The following ATG4C variants were observed in gnomAD, a reference collection of about 807,000 sequenced individuals.
ATG4C encodes the protein cysteine protease ATG4C.
A neutral mutation model predicts 57.6 loss-of-function variants in ATG4C; 56 were observed. The ratio of observed to expected loss-of-function variants is 0.97; its 90% CI spans 0.78 to 1.21. The LOEUF (loss-of-function observed/expected upper bound fraction) is 1.21, where lower values mean the gene tolerates loss of function less well. Ranked by LOEUF, ATG4C falls within the 50% of genes most tolerant of loss-of-function variation. The pLI is 0.00. For missense variants in ATG4C, 595 were observed against 529.8 expected, an observed-to-expected ratio of 1.12 and a Z score of -1.21; for synonymous variants, 157 against 174.1, an observed-to-expected ratio of 0.90 and a Z score of 0.78.
chr1:62,816,646 G>A lies in ATG4C; in HGVS notation c.232G>A (p.Glu78Lys). The A allele has an allele frequency of 1.9e-6, 3 of 1,613,814 alleles. No individual in the cohort carries two copies. Among genetic ancestry groups the A allele is most frequent in the African/African-American group, 1.3e-5 (1 of 75,026 alleles). Residue 78 changes from glutamate to lysine, a missense_variant, in exon 4 of 11, where the codon GAA becomes AAA. Coordinates refer to ENST00000317868, the MANE Select transcript of ATG4C (RefSeq NM_032852.4). ...TCACGTAATTGCAGGAAATGTAGAA[G>A]AATTTCGTAAAGATTTCATTTCTAG... ...EDHVIAGNVEEFRKDFISRIW... is the reference protein window; with the variant it reads ...EDHVIAGNVEKFRKDFISRIW...
intron 3 of ATG4C, among the ~76,000 whole-genome samples, chr1:62,811,240 C>T (rs1665074461): frequency 6.6e-6 from 1 of 152,212 alleles, no homozygotes; most frequent in African/African-American, 2.4e-5. Flanking sequence ...TTGGTTCTGT[C>T]TCTATTATTT....
intron 3 of ATG4C, among the ~76,000 whole-genome samples, chr1:62,814,794 G>A (rs1326011672): frequency 6.6e-6 from 1 of 152,172 alleles, no homozygotes; most frequent in African/African-American, 2.4e-5. Context: ...CAGGCACGGT[G>A]GCTCTCACGC....
intron 3 of ATG4C, among the ~76,000 whole-genome samples, chr1:62,810,797 G>T (rs991606263): frequency 6.6e-6 from 1 of 150,906 alleles, no homozygotes; most frequent in Non-Finnish European, 1.5e-5. Flanking sequence ...TATTGACCCA[G>T]GCCATTTCAG....
chr1:62,836,929 A>T lies in ATG4C; in HGVS notation c.1089+2077A>T, dbSNP rs530406753. Among the ~76,000 whole-genome samples, 5 of 152,228 alleles carry T rather than the reference A, an allele frequency of 3.3e-5. No individual in the cohort carries two copies. The South Asian group carries it at 1.0e-3, about 32-fold the overall frequency. The stretch of plus-strand genomic sequence containing the variant: ...GAGAATATTTGAGATTAAAGAAGAG[A>T]TTTAAACAGATTGCATTTTTTGTTG... On this transcript the variant is annotated intron_variant, in intron 9 of 10. Transcript: ENST00000317868.
intron 10 of ATG4C, among the ~76,000 whole-genome samples, chr1:62,855,444 A>G (rs911401077): frequency 1.3e-5 from 2 of 152,172 alleles, no homozygotes; most frequent in African/African-American, 4.8e-5. Context: ...TCATTGTTAA[A>G]CTTATTACCT....
intron 3 of ATG4C, among the ~76,000 whole-genome samples, chr1:62,806,036 T>C (rs1268860157): frequency 6.6e-6 from 1 of 152,214 alleles, no homozygotes; most frequent in Non-Finnish European, 1.5e-5. Context: ...TATCATTTAT[T>C]AGCAATTTTC....
At chr1:62,855,117 C>A (rs1470897301) in intron 10 of ATG4C, among the ~76,000 whole-genome samples, 2 of 152,100 alleles carry the variant, frequency 1.3e-5, no homozygotes, top group Non-Finnish European at 2.9e-5. Context: ...TGAGTTCATA[C>A]AAGTTTTTAT....
chr1:62,792,989 C>A (rs1039792379), intron 1 of ATG4C, among the ~76,000 whole-genome samples: 5 of 151,654 alleles, frequency 3.3e-5, no homozygotes, highest in African/African-American at 1.2e-4. Context: ...CGGGTTCACG[C>A]CATTCTCCTG....
chr1:62,816,799 C>G lies in ATG4C; in HGVS notation c.385C>G (p.Leu129Val), dbSNP rs781030672. 5.8e-6 allele frequency: 9 copies of G among 1,547,096 alleles called. No homozygotes were observed. The Admixed American group carries it at 1.8e-4, about 31-fold the overall frequency. ...LLAQGLILHF[L>V]GRAWTWPDAL... ...GGCTCAAGGACTCATACTACACTTT[C>G]TTGGTAGAGGTAAATCAAATTTCTG... The change falls in exon 4 of 11, where the codon CTT becomes GTT. Residue 129 changes from leucine (L) to valine (V), a missense_variant. Coordinates refer to ENST00000317868, the MANE Select transcript of ATG4C (RefSeq NM_032852.4).
At chr1:62,804,013 A>G (rs1664770966) in intron 2 of ATG4C, 151 bp downstream of exon 2, 3 of 531,718 alleles carry the variant, frequency 5.6e-6, no homozygotes, top group African/African-American at 4.0e-5. Context: ...AGTTAAAAAT[A>G]TCTCCTGAAG....
intron 1 of ATG4C, among the ~76,000 whole-genome samples, chr1:62,795,283 G>A (rs1032371624): frequency 1.3e-5 from 2 of 152,166 alleles, no homozygotes; most frequent in Admixed American, 1.3e-4. Flanking sequence ...ACATTGATTT[G>A]AGTACTCTTT....
At chr1:62,852,429 AC>A (rs1225363689) in intron 10 of ATG4C, among the ~76,000 whole-genome samples, 1 of 152,206 alleles carries the variant, frequency 6.6e-6, no homozygotes, top group Non-Finnish European at 1.5e-5. Flanking sequence ...TTATTTGGGA[AC>A]CTGCTGTAAT....
At chr1:62,858,399 G>A (rs1466210058) in intron 10 of ATG4C, among the ~76,000 whole-genome samples, 2 of 152,086 alleles carry the variant, frequency 1.3e-5, no homozygotes, top group African/African-American at 4.8e-5. Flanking sequence ...GACCTTATAC[G>A]AGTCACCTAA....
At chr1:62,844,388 A>G (rs2100348940) in intron 10 of ATG4C, among the ~76,000 whole-genome samples, 1 of 152,336 alleles carries the variant, frequency 6.6e-6, no homozygotes, top group East Asian at 1.9e-4. Context: ...ATTTAGGTTA[A>G]AAATGATGAA....
intron 1 of ATG4C, among the ~76,000 whole-genome samples, chr1:62,801,921 G>A (rs1483042934): frequency 2.6e-5 from 3 of 115,146 alleles, no homozygotes; most frequent in Non-Finnish European, 4.9e-5. Context: ...TTGCGCCACT[G>A]CACTCCAGCT....
intron 3 of ATG4C, 61 bp downstream of exon 3, chr1:62,805,316 ATTATT>A: frequency 7.1e-7 from 1 of 1,417,886 alleles, no homozygotes; most frequent in Non-Finnish European, 9.2e-7. Flanking sequence ...GTAACTTTTT[ATTATT>A]TTATTTCTAG....
In ATG4C at chr1:62,864,062, A is replaced by G; in HGVS notation, c.1280A>G (p.Asp427Gly). 6.2e-7 allele frequency: 1 copy of G among 1,602,494 alleles called. No individual in the cohort carries two copies. Among genetic ancestry groups the G allele is most frequent in the East Asian group, 2.2e-5 (1 of 44,706 alleles). The change falls in exon 11 of 11, where the codon GAT (aspartate) becomes GGT (glycine). Residue 427 changes from aspartate to glycine, a missense_variant. By Grantham distance (94) the Asp-to-Gly change is moderately conservative. Coordinates refer to ENST00000317868, the MANE Select transcript of ATG4C (RefSeq NM_032852.4). ...TFVNGHSRDY[D>G]FTSTTTNEED... ...GTAAATGGTCATTCCAGAGACTATG[A>G]TTTTACATCTACTACAACCAATGAA...
At chr1:62,816,447 A>C (rs1475971958) in intron 3 of ATG4C, 128 bp from the exon 4 acceptor site, 2 of 640,902 alleles carry the variant, frequency 3.1e-6, no homozygotes, top group East Asian at 3.2e-5. Context: ...TTATTTTAAA[A>C]GATAAAATTA....
chr1:62,818,459 C>CA (rs572147443), intron 4 of ATG4C, among the ~76,000 whole-genome samples: 4 of 151,922 alleles, frequency 2.6e-5, no homozygotes, highest in Non-Finnish European at 5.9e-5. Flanking sequence ...TCAGCACTGT[C>CA]AAAGAAGAGA....
Sources: allele counts gnomAD v4.1 joint callset (sites outside exome capture counted in the v4.1 genomes callset), GRCh38; gene constraint gnomAD v4.1.1; transcripts MANE v1.5; gene names NCBI Gene and HGNC (gene_info 2026-07-23, HGNC 2026-07-21).